Variants in SGCZ observed in about 807,000 individuals in gnomAD.
SGCZ encodes zeta-sarcoglycan.
In SGCZ, 40 loss-of-function variants were observed where a neutral mutation model predicts 41.3. The ratio of observed to expected loss-of-function variants is 0.97; its 90% CI spans 0.75 to 1.26. The LOEUF (loss-of-function observed/expected upper bound fraction) is 1.26, where lower values mean the gene tolerates loss of function less well. Ranked by LOEUF, SGCZ falls within the 50% of genes most tolerant of loss-of-function variation. The pLI is 0.00. For synonymous variants in SGCZ, 206 were observed against 137.5 expected (o/e 1.50, Z -3.49); for missense variants, 552 against 369.8 (o/e 1.49, Z -4.04).
intron 3 of SGCZ, among the ~76,000 whole-genome samples, chr8:14,310,791 T>G (rs1176677163): frequency 5.3e-5 from 8 of 152,154 alleles, no homozygotes; most frequent in African/African-American, 1.7e-4. Flanking sequence ...GTGTCTTCCA[T>G]GTGAACATTT....
chr8:15,234,898 G>C (rs1447375448), intron 1 of SGCZ, among the ~76,000 whole-genome samples: 3 of 145,708 alleles, frequency 2.1e-5, no homozygotes, highest in African/African-American at 8.4e-5. Flanking sequence ...CTAAAACTAA[G>C]CTAAACTATA....
chr8:14,913,439 G>C (rs1207094058), intron 1 of SGCZ, among the ~76,000 whole-genome samples: 2 of 151,920 alleles, frequency 1.3e-5, no homozygotes, highest in African/African-American at 2.4e-5. Context: ...TTTTCCATAA[G>C]AGCTATGAGA....
rs539821972 is a variant in SGCZ, at chr8:15,181,889, C to T, written c.39+55696G>A. Among the ~76,000 whole-genome samples the T allele has an allele frequency of 1.1e-3, 166 of 152,210 alleles. 1 individual carries two copies. Among genetic ancestry groups the T allele is most frequent in the Admixed American group, 1.9e-3 (29 of 15,292 alleles). ...TTTGGGGAGGTGAACTTTTCCTACT[C>T]TTCTGATACCTTCTTCTAATGCTTT... On this transcript the variant is annotated intron_variant, in intron 1 of 7. Coordinates refer to ENST00000382080, the MANE Select transcript of SGCZ (RefSeq NM_139167.4).
intron 1 of SGCZ, among the ~76,000 whole-genome samples, chr8:15,180,212 T>C (rs766733030): frequency 6.6e-6 from 1 of 152,088 alleles, no homozygotes; most frequent in Non-Finnish European, 1.5e-5. Context: ...AACAGGGAAA[T>C]AATCCACACA....
intron 3 of SGCZ, among the ~76,000 whole-genome samples, chr8:14,282,734 T>G (rs72603993): frequency 6.6e-6 from 1 of 151,918 alleles, no homozygotes; most frequent in Non-Finnish European, 1.5e-5. Flanking sequence ...AAATATTAGG[T>G]CTTCCAATTC....
chr8:14,996,749 C>T (rs1585452010), intron 1 of SGCZ, among the ~76,000 whole-genome samples: 1 of 152,248 alleles, frequency 6.6e-6, no homozygotes, highest in South Asian at 2.1e-4. Context: ...CTTGGTTGTC[C>T]GTGGCCACAG....
At chr8:14,191,160 G>C (rs1215686940) in intron 4 of SGCZ, among the ~76,000 whole-genome samples, 1 of 152,022 alleles carries the variant, frequency 6.6e-6, no homozygotes. Context: ...TGTCTGTTAA[G>C]GTTCTTTGCC....
At chr8:14,712,113 A>C (rs6980658) in intron 1 of SGCZ, among the ~76,000 whole-genome samples, 8,196 of 152,300 alleles carry the variant, frequency 0.054, 435 homozygotes, top group African/African-American at 0.14. Context: ...TACTAAAAGA[A>C]AAACTAAAGC....
intron 1 of SGCZ, among the ~76,000 whole-genome samples, chr8:15,153,270 A>C (rs547848568): frequency 6.6e-6 from 1 of 152,226 alleles, no homozygotes; most frequent in South Asian, 2.1e-4. Context: ...AAAACTTTTG[A>C]GCTGCTGCAA....
chr8:14,131,444 T>A (rs551193460), intron 5 of SGCZ, among the ~76,000 whole-genome samples: 49 of 152,292 alleles, frequency 3.2e-4, no homozygotes, highest in African/African-American at 1.1e-3. Flanking sequence ...TTTAGCAATT[T>A]CTGTATGTTA....
chr8:14,207,064 T>C (rs771261000), intron 4 of SGCZ, among the ~76,000 whole-genome samples: 4 of 152,212 alleles, frequency 2.6e-5, no homozygotes, highest in Non-Finnish European at 5.9e-5. Context: ...TTGGCTAATT[T>C]AGTGCTCTAT....
intron 5 of SGCZ, among the ~76,000 whole-genome samples, chr8:14,131,901 A>G (rs1803052691): frequency 6.6e-6 from 1 of 152,144 alleles, no homozygotes; most frequent in Non-Finnish European, 1.5e-5. Context: ...GCAGTAGGTT[A>G]TTTTATATAG....
intron 1 of SGCZ, among the ~76,000 whole-genome samples, chr8:14,942,116 C>T (rs1800295773): frequency 6.6e-6 from 1 of 151,908 alleles, no homozygotes; most frequent in African/African-American, 2.4e-5. Context: ...CCCTAGATAC[C>T]TCTTAGACTA....
At chr8:14,720,812 C>T (rs2264525) in intron 1 of SGCZ, among the ~76,000 whole-genome samples, 110,353 of 151,924 alleles carry the variant, frequency 0.73, 40,331 homozygotes, top group Admixed American at 0.77. Context: ...TATAGCCAAA[C>T]ATCTTGAAAG....
chr8:14,099,133 T>C (rs1329893468), intron 7 of SGCZ, among the ~76,000 whole-genome samples: 2 of 152,186 alleles, frequency 1.3e-5, no homozygotes, highest in Non-Finnish European at 2.9e-5. Flanking sequence ...GGCTGCTATA[T>C]ATTGATTCTT....
At chr8:14,803,174 T>C (rs1034485396) in intron 1 of SGCZ, among the ~76,000 whole-genome samples, 1 of 152,206 alleles carries the variant, frequency 6.6e-6, no homozygotes, top group East Asian at 1.9e-4. Context: ...CATTTATTTT[T>C]TAAAAAAGTG....
intron 2 of SGCZ, among the ~76,000 whole-genome samples, chr8:14,383,793 T>C (rs2117198112): frequency 6.6e-6 from 1 of 152,248 alleles, no homozygotes; most frequent in East Asian, 1.9e-4. Flanking sequence ...ACTGTACAGT[T>C]GAATGTAGGC....
intron 2 of SGCZ, among the ~76,000 whole-genome samples, chr8:14,442,652 A>C (rs189142337): frequency 6.6e-6 from 1 of 152,276 alleles, no homozygotes; most frequent in Admixed American, 6.6e-5. Flanking sequence ...TTTCTGCTTT[A>C]ATCCAACCCA....
chr8:14,725,465 C>T (rs1021310413), intron 1 of SGCZ, among the ~76,000 whole-genome samples: 3 of 152,164 alleles, frequency 2.0e-5, no homozygotes, highest in African/African-American at 7.2e-5. Context: ...GATTCCCTTT[C>T]TCTGCATCCT....
Sources: allele counts gnomAD v4.1 joint callset (sites outside exome capture counted in the v4.1 genomes callset), GRCh38; gene constraint gnomAD v4.1.1; transcripts MANE v1.5; gene names NCBI Gene and HGNC (gene_info 2026-07-23, HGNC 2026-07-21).